The following SLC38A2 variants were observed in gnomAD, a reference collection of about 807,000 sequenced individuals.
SLC38A2 encodes the protein solute carrier family 38 member 2.
A neutral mutation model predicts 61.5 loss-of-function variants in SLC38A2; 11 were observed. The observed-to-expected ratio is 0.18, with a 90% CI of 0.11 to 0.30. SLC38A2 has a LOEUF of 0.30. Ranked by LOEUF, SLC38A2 falls within the 10% of genes least tolerant of loss-of-function variation. The probability of loss-of-function intolerance (pLI) is 1.00; values close to 1 mark genes in which losing one functional copy is unlikely to be tolerated. For synonymous variants in SLC38A2, 217 were observed against 212.5 expected (o/e 1.02, Z -0.18); for missense variants, 522 against 600.4 (o/e 0.87, Z 1.36).
Position 46,360,080 on chromosome 12 carries a change from C to T in SLC38A2, c.*1031G>A, listed in dbSNP as rs1943064550. Reference sequence around the variant, plus strand: ...ACTCTCTGGACACAATAATTTTGGCCTATTGCCATCAAATGCCCATTTTCC... The same window carrying T: ...ACTCTCTGGACACAATAATTTTGGCTTATTGCCATCAAATGCCCATTTTCC... On this transcript the variant is annotated 3_prime_UTR_variant, in exon 16 of 16. Transcript: ENST00000256689. 6.6e-6 allele frequency: 1 copy of T among 152,604 alleles called. No homozygotes were observed. The highest frequency in any genetic ancestry group is 1.5e-5 in the Non-Finnish European group (1 of 68,018). The allele number at this position is 152,604 out of a possible 1,614,324, so 9.5% of individuals were successfully genotyped here.
chr12:46,365,084 T>C (rs760314197), intron 8 of SLC38A2, 23 bp downstream of exon 8: 1 of 1,593,822 alleles, frequency 6.3e-7, no homozygotes, highest in Non-Finnish European at 8.6e-7. Flanking sequence ...ATTTCAATTC[T>C]CTTTAGAGAT....
chr12:46,366,375 A>G (rs975759626), intron 7 of SLC38A2, among the ~76,000 whole-genome samples: 2 of 152,098 alleles, frequency 1.3e-5, no homozygotes, highest in Admixed American at 1.3e-4. Context: ...AATTTTGCAC[A>G]CCTGTCACGA....
At chr12:46,369,693 T>A (rs1943174244) in intron 4 of SLC38A2, among the ~76,000 whole-genome samples, 1 of 152,188 alleles carries the variant, frequency 6.6e-6, no homozygotes, top group Non-Finnish European at 1.5e-5. Context: ...CATGTATTTT[T>A]GTTTTGTGCT....
rs1943217793 is a variant in SLC38A2 at position 46,372,576 on chromosome 12, AAAC to A, written c.-157_-155del. On this transcript the variant is annotated 5_prime_UTR_variant, in exon 1 of 16. Transcript: ENST00000256689. ...CTCTCAGTCAAATACAAATCATAAA[AAAC>A]AAACAAAAAATTTCCCCAAATCCAA... 6 of 397,620 alleles carry A rather than the reference AAAC, an allele frequency of 1.5e-5. No homozygotes were observed. In the South Asian group the frequency reaches 6.4e-4, roughly 42 times the overall value. The allele number at this position is 397,620 out of a possible 1,614,324, so 24.6% of individuals were successfully genotyped here.
chr12:46,371,240 G>A lies in SLC38A2; in HGVS notation c.54C>T (p.Ser18=), dbSNP rs758890929. ...TGAAGTCGCTGTTGGAACTGTAGCT[G>A]CTGCTGTCTTCATCCGGGGAAATAC... ...RFSISPDEDS[S]SYSSNSDFNY... The change falls in exon 2 of 16, where the codon AGC becomes AGT. Residue 18 remains serine, a synonymous_variant. Coordinates refer to ENST00000256689, the MANE Select transcript of SLC38A2 (RefSeq NM_018976.5). 5.0e-6 allele frequency: 8 copies of A among 1,614,242 alleles called. No homozygotes were observed. The highest frequency in any genetic ancestry group is 2.2e-5 in the South Asian group (2 of 91,092).
At position 46,363,796 on chromosome 12, in the gene SLC38A2, G is replaced by A; in HGVS notation, c.984C>T (p.Ser328=). The change falls in exon 12 of 16, where the codon TCC becomes TCT. Residue 328 remains serine, a synonymous_variant. Transcript: ENST00000256689. ...DRSRRRMMNV[S]KISFFAMFLM... ...GAAACATAGCAAAAAATGAAATCTT[G>A]GACACATTCATCATTCTTCTACGGC... 1 of 1,596,136 alleles carries A rather than the reference G, an allele frequency of 6.3e-7. No homozygotes were observed. The highest frequency in any genetic ancestry group is 8.5e-7 in the Non-Finnish European group (1 of 1,174,074).
chr12:46,363,994 C>A lies in SLC38A2; in HGVS notation c.883G>T (p.Ala295Ser). 1 of 1,607,832 alleles carries A rather than the reference C, an allele frequency of 6.2e-7. No individual in the cohort carries two copies. Among genetic ancestry groups the A allele is most frequent in the Non-Finnish European group, 8.5e-7 (1 of 1,177,632 alleles). The change falls in exon 11 of 16, where the codon GCT becomes TCT. Residue 295 changes from alanine to serine, a missense_variant. Around this residue, in one of 3 missense-constraint regions of SLC38A2, gnomAD observed 309 missense variants for 343.9 expected, o/e 0.90. Coordinates refer to ENST00000256689, the MANE Select transcript of SLC38A2 (RefSeq NM_018976.5). ...AATGAAAAGATCAGAATTGGCACAGCATAGACAGTCTGAAAGAAAACGTAA... is the reference window on the plus strand; with the variant it reads ...AATGAAAAGATCAGAATTGGCACAGAATAGACAGTCTGAAAGAAAACGTAA... Reference protein sequence around the residue: ...YFIFNSQTVYAVPILIFSFVC... With the variant: ...YFIFNSQTVYSVPILIFSFVC...
chr12:46,361,804 A>G (rs182335646), intron 15 of SLC38A2: 160 of 156,648 alleles, frequency 1.0e-3, no homozygotes, highest in Middle Eastern at 9.9e-3. Context: ...TTAGCACATC[A>G]TTCTCTGTCA....
rs1018465383 is a variant in SLC38A2, at chr12:46,362,349, G to A, written c.1357C>T (p.Leu453Phe). 5.0e-6 allele frequency: 8 copies of A among 1,612,006 alleles called. No individual in the cohort carries two copies. The highest frequency in any genetic ancestry group is 5.9e-6 in the Non-Finnish European group (7 of 1,179,014). ...AACTTGATATAGAAGGCAGAAGGAA[G>A]AATAAAAATCAACATAGAAGCTGCA... is the stretch of plus-strand genomic sequence containing the variant. ...ASAASMLIFI[L>F]PSAFYIKLVK... is the part of the protein sequence containing the mutation. Residue 453 changes from leucine to phenylalanine, a missense_variant, in exon 15 of 16, where the codon CTT becomes TTT. Transcript: ENST00000256689.
chr12:46,371,921 CG>C (rs1943207408), intron 1 of SLC38A2, among the ~76,000 whole-genome samples: 1 of 152,228 alleles, frequency 6.6e-6, no homozygotes, highest in Non-Finnish European at 1.5e-5. Context: ...TCGAGGGGGG[CG>C]AACGCCCGGG....
chr12:46,370,868 T>C lies in SLC38A2; in HGVS notation c.117-11A>G. 6.3e-7 allele frequency: 1 copy of C among 1,581,700 alleles called. No homozygotes were observed. The highest frequency in any genetic ancestry group is 2.2e-5 in the East Asian group (1 of 44,674). On this transcript the variant is annotated splice_polypyrimidine_tract_variant and intron_variant, in intron 2 of 15. Coordinates refer to ENST00000256689, the MANE Select transcript of SLC38A2 (RefSeq NM_018976.5). Reference sequence around the variant, plus strand: ...ACATCTGCATAATGGCTGCAAAAAATATAGACATATATAATTGTAAACTGG... The same window carrying C: ...ACATCTGCATAATGGCTGCAAAAAACATAGACATATATAATTGTAAACTGG...
chr12:46,361,002 T>C lies in SLC38A2; in HGVS notation c.*109A>G. On this transcript the variant is annotated 3_prime_UTR_variant, in exon 16 of 16. Transcript: ENST00000256689. ...CACTCAGAAGAACCAGCGAGGAATC[T>C]GCACTTCAAAAGGAAGTGAAACTGA... The C allele has an allele frequency of 1.3e-6, 1 of 798,302 alleles. No homozygotes were observed. The highest frequency in any genetic ancestry group is 2.7e-5 in the East Asian group (1 of 37,552). 49.5% of individuals were successfully genotyped at this position (798,302 alleles called of 1,614,324 possible).
intron 4 of SLC38A2, among the ~76,000 whole-genome samples, chr12:46,367,589 A>C (rs1344019850): frequency 6.6e-6 from 1 of 152,184 alleles, no homozygotes; most frequent in Non-Finnish European, 1.5e-5. Context: ...ATGTCTACCC[A>C]CTGAGCCAAA....
chr12:46,367,277 G>A lies in SLC38A2; in HGVS notation c.378C>T (p.Ala126=). 2 of 1,595,748 alleles carry A rather than the reference G, an allele frequency of 1.3e-6. No homozygotes were observed. The highest frequency in any genetic ancestry group is 1.7e-6 in the Non-Finnish European group (2 of 1,163,650). ...AGAATGCTATCATACCTCCTTCATT[G>A]GCAGTCTTCAAAAGGAGATGAACAG... ...LYSVHLLLKT[A]NEGGSLLYEQ... Residue 126 remains alanine (A), a synonymous_variant, in exon 5 of 16, where the codon GCC becomes GCT. Coordinates refer to ENST00000256689, the MANE Select transcript of SLC38A2 (RefSeq NM_018976.5).
rs1177003730 is a variant in SLC38A2, at chr12:46,360,280, A to G, written c.*831T>C. The G allele has an allele frequency of 6.6e-6, 1 of 152,612 alleles. No homozygotes were observed. Among genetic ancestry groups the G allele is most frequent in the Non-Finnish European group, 1.5e-5 (1 of 68,032 alleles). The allele number at this position is 152,612 out of a possible 1,614,324, so 9.5% of individuals were successfully genotyped here. On this transcript the variant is annotated 3_prime_UTR_variant, in exon 16 of 16. Transcript: ENST00000256689. ...AAATATCTGCATTATCTTCCATTCT[A>G]ATAAGTTGAAGACACAAACATTTCA...
chr12:46,359,962 T>C lies in SLC38A2; in HGVS notation c.*1149A>G, dbSNP rs1943063254. The C allele has an allele frequency of 6.6e-6, 1 of 152,670 alleles. No homozygotes were observed. Among genetic ancestry groups the C allele is most frequent in the Admixed American group, 6.5e-5 (1 of 15,290 alleles). 9.5% of individuals were successfully genotyped at this position (152,670 alleles called of 1,614,324 possible). ...TCAAACATAGGTGTAACCTGTGGAT[T>C]AGACCTCTACTGTAGACAAAACATG... On this transcript the variant is annotated 3_prime_UTR_variant, in exon 16 of 16. Coordinates refer to ENST00000256689, the MANE Select transcript of SLC38A2 (RefSeq NM_018976.5).
At position 46,360,355 on chromosome 12, in the gene SLC38A2, G is replaced by A. The variant is rs988548142; in HGVS notation, c.*756C>T. ...GGACAGAGAAGAAAAGTGATGAACA[G>A]AGTTCATCTGATTTGGTATAGCAAT... On this transcript the variant is annotated 3_prime_UTR_variant, in exon 16 of 16. Transcript: ENST00000256689. The A allele has an allele frequency of 7.2e-5, 11 of 152,282 alleles. No individual in the cohort carries two copies. Among genetic ancestry groups the A allele is most frequent in the Admixed American group, 6.5e-4 (10 of 15,272 alleles). The allele number at this position is 152,282 out of a possible 1,614,324, so 9.4% of individuals were successfully genotyped here. A position where few individuals can be genotyped will look rare whatever the true frequency, so the allele number is the denominator to read the frequency against.
At chr12:46,364,081 G>T in intron 10 of SLC38A2, 78 bp from the exon 11 acceptor site, 2 of 1,253,708 alleles carry the variant, frequency 1.6e-6, no homozygotes, top group Non-Finnish European at 2.2e-6. Context: ...TATATTTTAT[G>T]TAAACAATCT....
At chr12:46,371,828 T>C (rs1013582799) in intron 1 of SLC38A2, among the ~76,000 whole-genome samples, 4 of 152,180 alleles carry the variant, frequency 2.6e-5, no homozygotes, top group Admixed American at 1.3e-4. Context: ...TGTCCTTTAC[T>C]GCCCGGAGTC....
Sources: gnomAD v4.1 joint callset for allele counts (sites outside exome capture counted in the v4.1 genomes callset) on GRCh38, gnomAD v4.1.1 for gene constraint, gnomAD v4.1.1 regional missense constraint, MANE v1.5 for transcripts, NCBI Gene and HGNC (gene_info 2026-07-23, HGNC 2026-07-21) for gene names.